SLC13A5: variants seen among roughly 807,000 people sequenced by gnomAD.
SLC13A5 encodes Na(+)/citrate cotransporter.
A neutral mutation model predicts 56.5 loss-of-function variants in SLC13A5; 25 were observed. That is an observed-to-expected ratio of 0.44 (90% CI 0.32 to 0.62). SLC13A5 has a LOEUF of 0.62. Among genes scored for constraint, SLC13A5 ranks in the 20% least tolerant of loss-of-function variants. The probability of loss-of-function intolerance (pLI) is 0.04; values close to 1 mark genes in which losing one functional copy is unlikely to be tolerated. For missense variants in SLC13A5, 649 were observed against 737.8 expected (o/e 0.88, Z 1.39); for synonymous variants, 307 against 301.5 (o/e 1.02, Z -0.19).
At chr17:6,710,008 G>C (rs1272533990) in intron 1 of SLC13A5, among the ~76,000 whole-genome samples, 1 of 152,202 alleles carries the variant, frequency 6.6e-6, no homozygotes, top group African/African-American at 2.4e-5. Context: ...GGCAGGGTGA[G>C]GGCAGGAGAA....
At position 6,686,410 on chromosome 17, in the gene SLC13A5, T is replaced by C. The variant is rs1973254409; in HGVS notation, c.1576-72A>G. ...TGCTCTCAGAGAGGAGGACAAAGGG[T>C]CGGCTCACTGGGCCTCGATGTCCCT... On this transcript the variant is annotated intron_variant, in intron 11 of 11. Coordinates refer to ENST00000433363, the MANE Select transcript of SLC13A5 (RefSeq NM_177550.5). 2.5e-6 allele frequency: 4 copies of C among 1,596,752 alleles called. No individual in the cohort carries two copies. In the South Asian group the frequency reaches 4.5e-5, roughly 18 times the overall value.
At position 6,684,736 on chromosome 17, in the gene SLC13A5, G is replaced by A. The variant is rs1973192868; in HGVS notation, c.*1471C>T. The A allele has an allele frequency of 6.6e-6, 1 of 152,274 alleles. No homozygotes were observed. 9.4% of individuals were successfully genotyped at this position (152,274 alleles called of 1,614,324 possible). ...AGTGGAGCTTTCCGCGGGAGACAGA[G>A]CATTTAATGAGAGCAAGAGCTGGAC... On this transcript the variant is annotated 3_prime_UTR_variant, in exon 12 of 12. Coordinates refer to ENST00000433363, the MANE Select transcript of SLC13A5 (RefSeq NM_177550.5).
chr17:6,686,200 G>A lies in SLC13A5; in HGVS notation c.*7C>T, dbSNP rs767611525. Reference sequence around the variant, plus strand: ...TAAGGGCTGTGTGTGTGGTCTTGTGGCTCTTCCTAAGTCTCAATATGTGTC... The same window carrying A: ...TAAGGGCTGTGTGTGTGGTCTTGTGACTCTTCCTAAGTCTCAATATGTGTC... On this transcript the variant is annotated 3_prime_UTR_variant, in exon 12 of 12. Coordinates refer to ENST00000433363, the MANE Select transcript of SLC13A5 (RefSeq NM_177550.5). 23 of 1,613,992 alleles carry A rather than the reference G, an allele frequency of 1.4e-5. No individual in the cohort carries two copies. In the East Asian group the frequency reaches 2.7e-4, roughly 19 times the overall value.
intron 3 of SLC13A5, 45 bp downstream of exon 3, chr17:6,706,597 G>T: frequency 6.2e-7 from 1 of 1,600,986 alleles, no homozygotes; most frequent in Non-Finnish European, 8.5e-7. Flanking sequence ...TCCAGCCCTG[G>T]GGCTCATGCA....
intron 6 of SLC13A5, among the ~76,000 whole-genome samples, chr17:6,700,161 G>C (rs1567620250): frequency 6.6e-6 from 1 of 152,070 alleles, no homozygotes; most frequent in Admixed American, 6.6e-5. Context: ...GATCACCTTT[G>C]CACCACAGAT....
intron 1 of SLC13A5, among the ~76,000 whole-genome samples, chr17:6,707,944 C>T (rs1973914373): frequency 6.6e-6 from 1 of 150,512 alleles, no homozygotes; most frequent in Non-Finnish European, 1.5e-5. Flanking sequence ...CTAGCCACCT[C>T]CCTAGGTTGT....
Position 6,686,045 on chromosome 17 carries a change from TG to T in SLC13A5, c.*161del. ...AGCTGCCCATGACCATCTCTGCATCTGGGCTTGGAGGAAGAGGTGGCCCATT... is the reference window on the plus strand; with the variant it reads ...AGCTGCCCATGACCATCTCTGCATCTGGCTTGGAGGAAGAGGTGGCCCATT... On this transcript the variant is annotated 3_prime_UTR_variant, in exon 12 of 12. Transcript: ENST00000433363. 1.0e-6 allele frequency: 1 copy of T among 999,128 alleles called. No homozygotes were observed. The highest frequency in any genetic ancestry group is 1.5e-6 in the Non-Finnish European group (1 of 671,868). The allele number at this position is 999,128 out of a possible 1,614,324, so 61.9% of individuals were successfully genotyped here.
At chr17:6,704,966 C>T (rs1973825303) in intron 3 of SLC13A5, 1 of 152,360 alleles carries the variant, frequency 6.6e-6, no homozygotes, top group African/African-American at 2.4e-5. Context: ...CTCTACATGC[C>T]CCAGCTGTCC....
intron 6 of SLC13A5, among the ~76,000 whole-genome samples, chr17:6,699,149 G>C (rs1254870100): frequency 6.6e-6 from 1 of 151,992 alleles, no homozygotes; most frequent in African/African-American, 2.4e-5. Context: ...TCTGGCACAT[G>C]ATGAGCACTC....
At position 6,703,010 on chromosome 17, in the gene SLC13A5, C is replaced by T. The variant is rs758275567; in HGVS notation, c.676G>A (p.Gly226Arg). 17 of 1,614,232 alleles carry T rather than the reference C, an allele frequency of 1.1e-5. No individual in the cohort carries two copies. The highest frequency in any genetic ancestry group is 2.2e-5 in the East Asian group (1 of 44,886). The change falls in exon 5 of 12, where the codon GGG (glycine) becomes AGG (arginine). Residue 226 changes from glycine to arginine, a missense_variant. Gly to Arg is a moderately radical substitution (Grantham distance 125). Coordinates refer to ENST00000433363, the MANE Select transcript of SLC13A5 (RefSeq NM_177550.5). ...AGGAGCACCACGTTGGGTCCCGTCC[C>T]GGTCAGGGTGGCGGTGCCCCCGATG... ...ASIGGTATLTGTGPNVVLLGQ... is the reference protein window; with the variant it reads ...ASIGGTATLTRTGPNVVLLGQ...
At chr17:6,709,073 C>T (rs1032935790) in intron 1 of SLC13A5, among the ~76,000 whole-genome samples, 1 of 150,410 alleles carries the variant, frequency 6.6e-6, no homozygotes, top group African/African-American at 2.4e-5. Context: ...TCACTGTAAC[C>T]TCCATCTCCT....
chr17:6,686,072 G>C lies in SLC13A5; in HGVS notation c.*135C>G. On this transcript the variant is annotated 3_prime_UTR_variant, in exon 12 of 12. Transcript: ENST00000433363. ...GGCTTGGAGGAAGAGGTGGCCCATT[G>C]GCTGGGTTTTGGTGGTGTGTGGACA... The C allele has an allele frequency of 7.7e-7, 1 of 1,294,278 alleles. No individual in the cohort carries two copies. The highest frequency in any genetic ancestry group is 1.1e-6 in the Non-Finnish European group (1 of 932,036). The allele number at this position is 1,294,278 out of a possible 1,614,324, so 80.2% of individuals were successfully genotyped here.
At chr17:6,700,930 A>G (rs1252963482) in intron 6 of SLC13A5, 74 bp downstream of exon 6, 13 of 1,598,428 alleles carry the variant, frequency 8.1e-6, no homozygotes, top group Non-Finnish European at 1.0e-5. Context: ...AAACCTGCCT[A>G]TTGAGTCTGA....
Position 6,711,629 on chromosome 17 carries a change from T to G in SLC13A5, c.102+1603A>C, listed in dbSNP as rs368769252. The stretch of plus-strand genomic sequence containing the variant: ...GCGTGTGTTTTTGTGTGTGTTTGTG[T>G]TTGTGCGTGTGTTTTGTGTGTGTCT... On this transcript the variant is annotated intron_variant, in intron 1 of 11. Transcript: ENST00000433363. This position sits in a 1 kb window ranked among gnomAD's most constrained non-coding sequence, Gnocchi z 4.0. Among the ~76,000 whole-genome samples the G allele has an allele frequency of 4.6e-5, 7 of 150,952 alleles. No homozygotes were observed. The highest frequency in any genetic ancestry group is 1.7e-4 in the African/African-American group (7 of 41,048).
chr17:6,698,264 C>G (rs892367635), intron 6 of SLC13A5, among the ~76,000 whole-genome samples: 20 of 152,206 alleles, frequency 1.3e-4, no homozygotes, highest in African/African-American at 3.6e-4. Flanking sequence ...TGCTCAGAAG[C>G]CCCCTGCTGC....
chr17:6,695,583 G>T, intron 7 of SLC13A5, 143 bp downstream of exon 7: 3 of 737,494 alleles, frequency 4.1e-6, no homozygotes, highest in Non-Finnish European at 6.8e-6. Context: ...TAGAGACAGG[G>T]TTTCACCATG....
rs565607253 is a variant in SLC13A5, at chr17:6,686,110, T to C, written c.*97A>G. 4.5e-6 allele frequency: 7 copies of C among 1,555,688 alleles called. No homozygotes were observed. The highest frequency in any genetic ancestry group is 4.3e-4 in the Middle Eastern group (2 of 4,636). On this transcript the variant is annotated 3_prime_UTR_variant, in exon 12 of 12. Coordinates refer to ENST00000433363, the MANE Select transcript of SLC13A5 (RefSeq NM_177550.5). ...TGGTGTGTGGACATCGTTGGGTCAT[T>C]TTGGGGTGTGAACCCCAAAACTCTG...
chr17:6,696,895 A>ATG (rs1973576435), intron 6 of SLC13A5, among the ~76,000 whole-genome samples: 1 of 152,154 alleles, frequency 6.6e-6, no homozygotes, highest in African/African-American at 2.4e-5. Flanking sequence ...CCAGTGCTGG[A>ATG]TGTGAACAGC....
Position 6,687,575 on chromosome 17 carries a change from G to C in SLC13A5, c.1529C>G (p.Pro510Arg). The change falls in exon 11 of 12, where the codon CCA becomes CGA. Residue 510 changes from proline to arginine, a missense_variant. Pro to Arg is a moderately radical substitution (Grantham distance 103, BLOSUM62 -2). Transcript: ENST00000433363. This position sits in a 1 kb window ranked among gnomAD's most constrained non-coding sequence, Gnocchi z 5.0. ...FAFMLPVATP[P>R]NAIVFTYGHL... is the part of the protein sequence containing the mutation. Reference sequence around the variant, plus strand: ...CCCATAGGTGAACACGATGGCATTTGGAGGGGTGGCCACAGGCAACATGAA... The same window carrying C: ...CCCATAGGTGAACACGATGGCATTTCGAGGGGTGGCCACAGGCAACATGAA... The C allele has an allele frequency of 6.2e-7, 1 of 1,613,938 alleles. No homozygotes were observed. The highest frequency in any genetic ancestry group is 8.5e-7 in the Non-Finnish European group (1 of 1,179,952).
Sources: allele counts gnomAD v4.1 joint callset (sites outside exome capture counted in the v4.1 genomes callset), GRCh38; gene constraint gnomAD v4.1.1; non-coding constraint Gnocchi (gnomAD v3.1); transcripts MANE v1.5; gene names NCBI Gene and HGNC (gene_info 2026-07-23, HGNC 2026-07-21).